Variants in SYCP2 observed in about 807,000 individuals in gnomAD.
SYCP2 encodes synaptonemal complex lateral element protein.
SYCP2 carries 55 observed loss-of-function variants against 211.3 expected under a neutral mutation model. That is an observed-to-expected ratio of 0.26 (90% confidence interval 0.21 to 0.33). SYCP2 has a LOEUF of 0.33. Ranked by LOEUF, SYCP2 falls within the 10% of genes least tolerant of loss-of-function variation. The probability of loss-of-function intolerance (pLI) is 1.00; values close to 1 mark genes in which losing one functional copy is unlikely to be tolerated. For missense variants in SYCP2, 1,731 were observed against 1,752.0 expected (o/e 0.99, Z 0.21); for synonymous variants, 570 against 555.2 (o/e 1.03, Z -0.37).
In SYCP2 at chr20:59,901,827, C is replaced by T; in HGVS notation, c.1034-17G>A. ...ATTCTCTCACTGTATAGAAACAACA[C>T]TGATTAGTTTACGTTTCTATGATAC... On this transcript the variant is annotated splice_polypyrimidine_tract_variant and intron_variant, in intron 15 of 44. Coordinates refer to ENST00000357552, the MANE Select transcript of SYCP2 (RefSeq NM_014258.4). The T allele has an allele frequency of 1.9e-6, 3 of 1,555,364 alleles. No homozygotes were observed. Among genetic ancestry groups the T allele is most frequent in the Non-Finnish European group, 2.6e-6 (3 of 1,153,178 alleles).
At chr20:59,925,492 C>T (rs970227452) in intron 2 of SYCP2, among the ~76,000 whole-genome samples, 11 of 152,076 alleles carry the variant, frequency 7.2e-5, no homozygotes, top group African/African-American at 2.7e-4. Flanking sequence ...ACATTATTCA[C>T]ATGTGTGAAT....
At chr20:59,871,154 T>C (rs958992963) in intron 35 of SYCP2, among the ~76,000 whole-genome samples, 1 of 151,720 alleles carries the variant, frequency 6.6e-6, no homozygotes, top group Admixed American at 6.6e-5. Context: ...TACAAATTTG[T>C]AAGAAAAATC....
At chr20:59,886,232 T>C (rs1468435787) in intron 25 of SYCP2, among the ~76,000 whole-genome samples, 4 of 152,000 alleles carry the variant, frequency 2.6e-5, no homozygotes, top group African/African-American at 9.7e-5. Context: ...TCATGACCTA[T>C]AGTAAGGCCA....
At position 59,895,609 on chromosome 20, in the gene SYCP2, G is replaced by A. The variant is rs772701168; in HGVS notation, c.1505-12C>T. The A allele has an allele frequency of 5.0e-6, 8 of 1,607,270 alleles. No individual in the cohort carries two copies. In the East Asian group the frequency reaches 1.6e-4, roughly 31 times the overall value. On this transcript the variant is annotated splice_polypyrimidine_tract_variant and intron_variant, in intron 19 of 44. Coordinates refer to ENST00000357552, the MANE Select transcript of SYCP2 (RefSeq NM_014258.4). ...TCGTGGTGGTATTGCTAAAAAGGAG[G>A]ACAAGGATTGCAGATTTTTCTTTTT...
chr20:59,913,193 A>G (rs2060365143), intron 12 of SYCP2, among the ~76,000 whole-genome samples: 1 of 152,216 alleles, frequency 6.6e-6, no homozygotes, highest in South Asian at 2.1e-4. Context: ...CATAGTTAGC[A>G]TATTATCTCA....
chr20:59,891,762 G>A (rs2059911160), intron 24 of SYCP2, among the ~76,000 whole-genome samples: 1 of 151,692 alleles, frequency 6.6e-6, no homozygotes, highest in African/African-American at 2.4e-5. Context: ...GGAACTGCAT[G>A]GTTCATTAAT....
chr20:59,886,549 T>C (rs1256049798), intron 25 of SYCP2, among the ~76,000 whole-genome samples, 158 bp downstream of exon 25: 1 of 152,034 alleles, frequency 6.6e-6, no homozygotes, highest in Non-Finnish European at 1.5e-5. Context: ...TCTTGTGTAA[T>C]TTAAACACCT....
At chr20:59,910,744 A>G (rs1037102645) in intron 14 of SYCP2, among the ~76,000 whole-genome samples, 5 of 151,154 alleles carry the variant, frequency 3.3e-5, no homozygotes, top group Non-Finnish European at 4.4e-5. Context: ...AAGTAATTGC[A>G]GTTTCTGCCA....
chr20:59,917,043 A>C (rs1035637775), intron 7 of SYCP2, among the ~76,000 whole-genome samples: 7 of 152,196 alleles, frequency 4.6e-5, no homozygotes, highest in African/African-American at 1.7e-4. Context: ...CTTGCAAAAA[A>C]CACCACTCAA....
At position 59,864,040 on chromosome 20, in the gene SYCP2, G is replaced by A. The variant is rs953644681; in HGVS notation, c.*271C>T. The A allele has an allele frequency of 4.4e-6, 1 of 225,912 alleles. No individual in the cohort carries two copies. The highest frequency in any genetic ancestry group is 8.6e-6 in the Non-Finnish European group (1 of 116,412). The allele number at this position is 225,912 out of a possible 1,614,324, so 14.0% of individuals were successfully genotyped here. A position where few individuals can be genotyped will look rare whatever the true frequency, so the allele number is the denominator to read the frequency against. The stretch of plus-strand genomic sequence containing the variant: ...AATTTATTAAAGAAACTCATTTTAT[G>A]AGTATAATTAACTCAAAAAGTTTCT... On this transcript the variant is annotated 3_prime_UTR_variant, in exon 45 of 45. Transcript: ENST00000357552.
chr20:59,899,939 A>G, intron 18 of SYCP2, 199 bp downstream of exon 18: 1 of 585,620 alleles, frequency 1.7e-6, no homozygotes, highest in South Asian at 2.2e-5. Flanking sequence ...GTCTTGTTCT[A>G]ACCCCTATAC....
intron 9 of SYCP2, 112 bp from the exon 10 acceptor site, chr20:59,915,311 C>T (rs2060416588): frequency 7.8e-6 from 8 of 1,032,048 alleles, no homozygotes; most frequent in South Asian, 2.9e-5. Context: ...CTAATATCAT[C>T]GACTTTTGCA....
rs901318876 is a variant in SYCP2, at chr20:59,863,871, G to A, written c.*440C>T. ...CACTCAGTTATACATTTTAAACTAG[G>A]GACTTCCTCCCCCTTGTAAGTGTGG... On this transcript the variant is annotated 3_prime_UTR_variant, in exon 45 of 45. Transcript: ENST00000357552. The A allele has an allele frequency of 6.6e-6, 1 of 152,058 alleles. No homozygotes were observed. Among genetic ancestry groups the A allele is most frequent in the Admixed American group, 6.6e-5 (1 of 15,224 alleles). 9.4% of individuals were successfully genotyped at this position (152,058 alleles called of 1,614,324 possible).
chr20:59,916,321 A>AT (rs2060441581), intron 8 of SYCP2, among the ~76,000 whole-genome samples, 165 bp downstream of exon 8: 2 of 152,302 alleles, frequency 1.3e-5, no homozygotes, highest in South Asian at 4.1e-4. Context: ...ATGGTTATAA[A>AT]TTTTCAGTAA....
At chr20:59,913,883 TA>T (rs1568972740) in intron 12 of SYCP2, 91 bp downstream of exon 12, 1 of 895,072 alleles carries the variant, frequency 1.1e-6, no homozygotes, top group East Asian at 2.6e-5. Flanking sequence ...AGAACAAGAA[TA>T]AAGTTAAATG....
In SYCP2 at chr20:59,869,915, T is replaced by A; in HGVS notation, c.3624A>T (p.Thr1208=). The A allele has an allele frequency of 6.2e-7, 1 of 1,606,756 alleles. No homozygotes were observed. The part of the protein sequence containing the change: ...NRKKISSLVL[T]QETQNSNSYS... ...AGCTGTTACTGTTTTGTGTTTCTTG[T>A]GTAAGTACCAGAGAACTTATTTTTT... The change falls in exon 36 of 45, where the codon ACA becomes ACT. Residue 1208 remains threonine, a synonymous_variant. Coordinates refer to ENST00000357552, the MANE Select transcript of SYCP2 (RefSeq NM_014258.4).
At chr20:59,922,351 C>A (rs2060556949) in intron 3 of SYCP2, 39 bp downstream of exon 3, 3 of 1,548,348 alleles carry the variant, frequency 1.9e-6, no homozygotes, top group Non-Finnish European at 8.7e-7. Flanking sequence ...AAGTGATTTT[C>A]AGAATGAAAA....
intron 6 of SYCP2, 67 bp from the exon 7 acceptor site, chr20:59,919,249 A>T: frequency 1.2e-6 from 1 of 836,686 alleles, no homozygotes; most frequent in Non-Finnish European, 1.9e-6. Flanking sequence ...CAATATTATA[A>T]ACCATTACAA....
intron 36 of SYCP2, 80 bp from the exon 37 acceptor site, chr20:59,869,005 A>G: frequency 2.1e-6 from 2 of 967,280 alleles, no homozygotes; most frequent in Non-Finnish European, 3.1e-6. Context: ...TCAAACCCAA[A>G]AACCAATAAT....
Sources: allele counts gnomAD v4.1 joint callset (sites outside exome capture counted in the v4.1 genomes callset), GRCh38; gene constraint gnomAD v4.1.1; transcripts MANE v1.5; gene names NCBI Gene and HGNC (gene_info 2026-07-23, HGNC 2026-07-21).